The following OTOA variants were observed in gnomAD, a reference collection of about 807,000 sequenced individuals.
OTOA encodes cancer/testis antigen 108.
In OTOA, 70 loss-of-function variants were observed where a neutral mutation model predicts 110.8. The observed-to-expected ratio is 0.63, with a 90% CI of 0.52 to 0.77. The LOEUF is 0.77. Ranked by LOEUF, OTOA falls within the 30% of genes least tolerant of loss-of-function variation. The pLI is 0.00. For synonymous variants in OTOA, 373 were observed against 431.5 expected (o/e 0.86, Z 1.68); for missense variants, 917 against 1,075.8 (o/e 0.85, Z 2.06).
At position 21,709,942 on chromosome 16, in the gene OTOA, C is replaced by G; in HGVS notation, c.1159C>G (p.Leu387Val). ...GGAGAACCAGACCCTCAATGAGACC[C>G]TGGGTTCTTTGTCGGATGCAGTTGT... ...AMENQTLNET[L>V]GSLSDAVVGL... The change falls in exon 13 of 29, where the codon CTG (leucine) becomes GTG (valine). Residue 387 changes from leucine to valine, a missense_variant. Physicochemically the swap from Leu to Val is conservative, Grantham distance 32. Coordinates refer to ENST00000646100, the MANE Select transcript of OTOA (RefSeq NM_144672.4). 6.2e-7 allele frequency: 1 copy of G among 1,614,034 alleles called. No homozygotes were observed. Among genetic ancestry groups the G allele is most frequent in the Non-Finnish European group, 8.5e-7 (1 of 1,179,964 alleles).
chr16:21,718,040 T>A (rs1287775935), intron 15 of OTOA, among the ~76,000 whole-genome samples: 1 of 152,126 alleles, frequency 6.6e-6, no homozygotes, highest in Non-Finnish European at 1.5e-5. Flanking sequence ...CACTGTAACC[T>A]CCTCCTCCTG....
At chr16:21,707,381 C>A (rs540894746) in intron 12 of OTOA, among the ~76,000 whole-genome samples, 2 of 152,020 alleles carry the variant, frequency 1.3e-5, no homozygotes, top group South Asian at 4.1e-4. Flanking sequence ...ACAGGGAGGG[C>A]CTGTTCAAAT....
At chr16:21,690,283 C>T (rs1897802267) in intron 8 of OTOA, among the ~76,000 whole-genome samples, 1 of 151,966 alleles carries the variant, frequency 6.6e-6, no homozygotes, top group Non-Finnish European at 1.5e-5. Context: ...TACCTATCAA[C>T]CCACCACCTA....
At chr16:21,722,272 A>AAC (rs1567390679) in intron 17 of OTOA, among the ~76,000 whole-genome samples, 3 of 134,220 alleles carry the variant, frequency 2.2e-5, no homozygotes, top group Non-Finnish European at 3.3e-5. Flanking sequence ...AAAAAAAACA[A>AAC]AAAAAAAAAA....
Position 21,736,263 on chromosome 16 carries a change from T to A in OTOA, c.2304T>A (p.Phe768Leu). Residue 768 changes from phenylalanine to leucine, a missense_variant and splice_region_variant, in exon 22 of 29, where the codon TTT becomes TTA. Physicochemically the swap from Phe to Leu is conservative, Grantham distance 22 (BLOSUM62 0). Coordinates refer to ENST00000646100, the MANE Select transcript of OTOA (RefSeq NM_144672.4). ...TTCTTTCATCTTCTTTCACACAGTT[T>A]CCTGAGATCCTTCTGCAAGCAGCTT... is the stretch of plus-strand genomic sequence containing the variant. The part of the protein sequence containing the change: ...GDELSSIATK[F>L]PEILLQAASK... 1 of 1,612,406 alleles carries A rather than the reference T, an allele frequency of 6.2e-7. No individual in the cohort carries two copies.
At chr16:21,736,226 T>G (rs761774704) in intron 21 of OTOA, 35 bp from the exon 22 acceptor site, 9 of 1,585,340 alleles carry the variant, frequency 5.7e-6, no homozygotes, top group Non-Finnish European at 7.8e-6. Context: ...GGGGTTTTAA[T>G]TATTATTCCT....
At chr16:21,685,117 A>C in intron 6 of OTOA, 113 bp from the exon 7 acceptor site, 1 of 1,411,904 alleles carries the variant, frequency 7.1e-7, no homozygotes. Flanking sequence ...GCTGGCCACT[A>C]GTTGTGGTCT....
At chr16:21,677,913 G>A (rs1310213948) in intron 1 of OTOA, among the ~76,000 whole-genome samples, 2 of 150,292 alleles carry the variant, frequency 1.3e-5, no homozygotes, top group Non-Finnish European at 3.0e-5. Flanking sequence ...TTTTTCCAGA[G>A]TCTCGCTCTG....
intron 9 of OTOA, 138 bp downstream of exon 9, chr16:21,691,825 G>T: frequency 1.3e-6 from 1 of 764,460 alleles, no homozygotes. Context: ...AAAACAGTTT[G>T]ATGTGGCTTA....
In OTOA at chr16:21,715,093, G is replaced by C. The variant is rs55890908; in HGVS notation, c.1429G>C (p.Ala477Pro). The C allele has an allele frequency of 9.7e-5, 157 of 1,614,118 alleles. No homozygotes were observed. The highest frequency in any genetic ancestry group is 1.2e-4 in the Non-Finnish European group (145 of 1,180,046). ...GGACATCTCGCAGGTCCTGAGAAGT[G>C]CCGTCTCCCAGTATGTATCCGACTT... ...RKDISQVLRS[A>P]VSQYVSDLSP... The change falls in exon 14 of 29, where the codon GCC (alanine) becomes CCC (proline). Residue 477 changes from alanine to proline, a missense_variant. Transcript: ENST00000646100.
intron 1 of OTOA, among the ~76,000 whole-genome samples, chr16:21,676,115 C>G (rs1966857188): frequency 6.6e-6 from 1 of 152,124 alleles, no homozygotes; most frequent in African/African-American, 2.4e-5. Context: ...GACAGAGTTT[C>G]ACCATGTTGC....
intron 12 of OTOA, among the ~76,000 whole-genome samples, chr16:21,707,206 T>A (rs1597826695): frequency 1.3e-5 from 2 of 151,986 alleles, no homozygotes; most frequent in Admixed American, 1.3e-4. Flanking sequence ...GAATCCGTCC[T>A]AAGCAAGCTC....
At position 21,726,627 on chromosome 16, in the gene OTOA, C is replaced by T. The variant is rs902760963; in HGVS notation, c.1985C>T (p.Thr662Ile). Residue 662 changes from threonine to isoleucine, a missense_variant, in exon 19 of 29, where the codon ACT (threonine) becomes ATT (isoleucine). Coordinates refer to ENST00000646100, the MANE Select transcript of OTOA (RefSeq NM_144672.4). ...TTGGTTTTAGATTCCCACAAAAAGA[C>T]TTCAGTCCTCAGGAAAGTGCAGCAG... ...DSLVLDSHKK[T>I]SVLRKVQQCL... The T allele has an allele frequency of 1.9e-6, 3 of 1,613,956 alleles. No individual in the cohort carries two copies. Among genetic ancestry groups the T allele is most frequent in the Non-Finnish European group, 2.5e-6 (3 of 1,180,014 alleles).
intron 18 of OTOA, among the ~76,000 whole-genome samples, chr16:21,725,868 G>A (rs1196817079): frequency 6.6e-6 from 1 of 152,166 alleles, no homozygotes; most frequent in Non-Finnish European, 1.5e-5. Flanking sequence ...ATGAGCTTCA[G>A]TGGGTTACAG....
intron 1 of OTOA, among the ~76,000 whole-genome samples, chr16:21,667,173 G>T (rs1966841751): frequency 6.6e-6 from 1 of 152,200 alleles, no homozygotes; most frequent in Non-Finnish European, 1.5e-5. Context: ...TTGGGATCAG[G>T]TTTGCTCAAA....
intron 1 of OTOA, among the ~76,000 whole-genome samples, chr16:21,674,079 G>A (rs1966852923): frequency 6.6e-6 from 1 of 152,168 alleles, no homozygotes; most frequent in African/African-American, 2.4e-5. Context: ...TTATAGGCGT[G>A]AGCCACCATG....
At position 21,701,012 on chromosome 16, in the gene OTOA, C is replaced by T; in HGVS notation, c.965C>T (p.Thr322Ile). ...TCCTCCAACTTTAACATGAGGAATA[C>T]CTCCACCATCCACAGGCAAGCGCAT... ...ISSSNFNMRNTSTIHRLGLLV... is the reference protein window; with the variant it reads ...ISSSNFNMRNISTIHRLGLLV... The change falls in exon 11 of 29, where the codon ACC becomes ATC. Residue 322 changes from threonine (T) to isoleucine (I), a missense_variant. Coordinates refer to ENST00000646100, the MANE Select transcript of OTOA (RefSeq NM_144672.4). 1 of 1,614,178 alleles carries T rather than the reference C, an allele frequency of 6.2e-7. No individual in the cohort carries two copies. The highest frequency in any genetic ancestry group is 1.1e-5 in the South Asian group (1 of 91,082).
chr16:21,759,298 C>T (rs1388311680), intron 28 of OTOA, among the ~76,000 whole-genome samples: 2 of 151,998 alleles, frequency 1.3e-5, no homozygotes, highest in African/African-American at 4.8e-5. Flanking sequence ...GATCTCTGCA[C>T]TTTTCACAAA....
chr16:21,737,377 A>G (rs1053603283), intron 22 of OTOA, among the ~76,000 whole-genome samples: 1 of 152,308 alleles, frequency 6.6e-6, no homozygotes, highest in Non-Finnish European at 1.5e-5. Flanking sequence ...GGCATGTGCC[A>G]CCACGCCTGG....
Sources: allele counts gnomAD v4.1 joint callset (sites outside exome capture counted in the v4.1 genomes callset), GRCh38; gene constraint gnomAD v4.1.1; transcripts MANE v1.5; gene names NCBI Gene and HGNC (gene_info 2026-07-23, HGNC 2026-07-21).